Variants in BABAM2 observed in about 807,000 individuals in gnomAD.
BABAM2 encodes BRISC and BRCA1-A complex member 2.
Under a neutral mutation model 54.7 loss-of-function variants are expected in BABAM2, and 31 were observed. That is an observed-to-expected ratio of 0.57 (90% CI 0.43 to 0.77). BABAM2 has a LOEUF of 0.77. Among genes scored for constraint, BABAM2 ranks in the 30% least tolerant of loss-of-function variants. BABAM2 has a pLI of 0.00. For synonymous variants in BABAM2, 167 were observed against 162.9 expected, an observed-to-expected ratio of 1.03 and a Z score of -0.19; for missense variants, 364 against 455.8, an observed-to-expected ratio of 0.80 and a Z score of 1.83.
At chr2:28,179,381 C>T (rs1478896000) in intron 7 of BABAM2, among the ~76,000 whole-genome samples, 2 of 152,104 alleles carry the variant, frequency 1.3e-5, no homozygotes, top group Non-Finnish European at 2.9e-5. Flanking sequence ...AGGACAGTAG[C>T]CATATCATTC....
At chr2:28,157,087 GA>G (rs1333919833) in intron 7 of BABAM2, among the ~76,000 whole-genome samples, 1 of 152,072 alleles carries the variant, frequency 6.6e-6, no homozygotes, top group African/African-American at 2.4e-5. Context: ...TTTTCCTTAT[GA>G]AAATAATTTC....
chr2:28,227,630 C>T (rs912490767), intron 7 of BABAM2, among the ~76,000 whole-genome samples: 1 of 152,166 alleles, frequency 6.6e-6, no homozygotes, highest in Admixed American at 6.5e-5. Flanking sequence ...GTTTTCCTTA[C>T]CTTCCTGTTG....
chr2:28,032,435 C>A (rs937812), intron 5 of BABAM2, among the ~76,000 whole-genome samples: 1 of 151,880 alleles, frequency 6.6e-6, no homozygotes, highest in Non-Finnish European at 1.5e-5. Flanking sequence ...TGCAGACACT[C>A]TTCTCCCTGC....
At chr2:28,118,609 C>T (rs4619558) in intron 6 of BABAM2, among the ~76,000 whole-genome samples, 19,019 of 151,742 alleles carry the variant, frequency 0.13, 1,957 homozygotes, top group African/African-American at 0.28. Flanking sequence ...TCCTTGTAAA[C>T]TCTGGATATT....
In BABAM2 at chr2:28,233,167, G is replaced by A. The variant is rs184834450; in HGVS notation, c.681-4035G>A. 1.4e-4 allele frequency: 67 copies of A among 471,016 alleles called. No individual in the cohort carries two copies. The East Asian group carries it at 2.0e-3, about 14-fold the overall frequency. The allele number at this position is 471,016 out of a possible 1,614,324, so 29.2% of individuals were successfully genotyped here. On this transcript the variant is annotated intron_variant, in intron 7 of 11. Coordinates refer to ENST00000379624, the MANE Select transcript of BABAM2 (RefSeq NM_199191.3). ...GGTTAAGCCTGAGCCCTTGCCACACGGATTTCCTTCTCACCCGCTTCCTCC... is the reference window on the plus strand; with the variant it reads ...GGTTAAGCCTGAGCCCTTGCCACACAGATTTCCTTCTCACCCGCTTCCTCC...
chr2:28,337,137 G>A (rs555168492), intron 11 of BABAM2, among the ~76,000 whole-genome samples: 34 of 152,240 alleles, frequency 2.2e-4, no homozygotes, highest in African/African-American at 6.7e-4. Context: ...ATCTGGACAC[G>A]TAAGGTGTCA....
intron 7 of BABAM2, among the ~76,000 whole-genome samples, chr2:28,232,713 G>C (rs189046357): frequency 2.6e-5 from 4 of 152,224 alleles, no homozygotes; most frequent in African/African-American, 9.6e-5. Flanking sequence ...GTAAACATAC[G>C]GTATTGTAAT....
chr2:27,979,458 T>C (rs1671850935), intron 3 of BABAM2, among the ~76,000 whole-genome samples: 1 of 152,098 alleles, frequency 6.6e-6, no homozygotes, highest in African/African-American at 2.4e-5. Flanking sequence ...GAATGATTTA[T>C]ATTCTTTTGG....
chr2:27,966,513 C>G (rs1416934595), intron 3 of BABAM2, among the ~76,000 whole-genome samples: 2 of 152,204 alleles, frequency 1.3e-5, no homozygotes, highest in Non-Finnish European at 2.9e-5. Flanking sequence ...GATGGCTCTT[C>G]AGGTCTTGTT....
chr2:28,220,871 G>A (rs1453069772), intron 7 of BABAM2, among the ~76,000 whole-genome samples: 1 of 152,212 alleles, frequency 6.6e-6, no homozygotes, highest in East Asian at 1.9e-4. Context: ...GCAGTGAGCT[G>A]TGATGGTGCC....
intron 10 of BABAM2, among the ~76,000 whole-genome samples, chr2:28,249,275 G>C (rs1212002873): frequency 6.6e-6 from 1 of 151,816 alleles, no homozygotes; most frequent in African/African-American, 2.4e-5. Flanking sequence ...TTTTAGTAGA[G>C]ACCGGGTTTC....
intron 3 of BABAM2, among the ~76,000 whole-genome samples, chr2:27,979,210 G>T (rs1671824599): frequency 6.6e-6 from 1 of 151,462 alleles, no homozygotes; most frequent in East Asian, 1.9e-4. Context: ...GTATTTTTTT[G>T]TTTAGTAGAG....
At chr2:28,197,422 A>C (rs1677718697) in intron 7 of BABAM2, among the ~76,000 whole-genome samples, 1 of 152,220 alleles carries the variant, frequency 6.6e-6, no homozygotes, top group African/African-American at 2.4e-5. Context: ...TGTGCTTTGC[A>C]AGTGCTCAAC....
intron 2 of BABAM2, among the ~76,000 whole-genome samples, chr2:27,899,288 A>T (rs1665588774): frequency 6.6e-6 from 1 of 152,124 alleles, no homozygotes; most frequent in African/African-American, 2.4e-5. Context: ...AGTGATATCA[A>T]CCTGAAATTC....
At chr2:28,076,365 A>T (rs1306016122) in intron 6 of BABAM2, among the ~76,000 whole-genome samples, 4 of 152,098 alleles carry the variant, frequency 2.6e-5, no homozygotes, top group South Asian at 4.1e-4. Context: ...TAGATAAAAA[A>T]TTTTTATGGC....
At chr2:28,245,690 C>A (rs1285857013) in intron 10 of BABAM2, among the ~76,000 whole-genome samples, 1 of 152,164 alleles carries the variant, frequency 6.6e-6, no homozygotes, top group Non-Finnish European at 1.5e-5. Context: ...CCAACTTTCC[C>A]AGCTTGAGTT....
At chr2:28,112,186 C>CTT (rs1558347217) in intron 6 of BABAM2, among the ~76,000 whole-genome samples, 1 of 76,252 alleles carries the variant, frequency 1.3e-5, no homozygotes, top group Non-Finnish European at 2.4e-5. Context: ...TCCCTCCCTC[C>CTT]CTCCCTCCCT....
At chr2:28,211,031 T>A (rs1301866459) in intron 7 of BABAM2, among the ~76,000 whole-genome samples, 1 of 152,228 alleles carries the variant, frequency 6.6e-6, no homozygotes, top group African/African-American at 2.4e-5. Flanking sequence ...GTAATCTATA[T>A]GATTTGGTTC....
At chr2:28,145,884 A>T (rs915011267) in intron 7 of BABAM2, among the ~76,000 whole-genome samples, 1 of 152,150 alleles carries the variant, frequency 6.6e-6, no homozygotes, top group Admixed American at 6.6e-5. Flanking sequence ...TTCAAGGTTC[A>T]TCCATGTTTT....
Sources: allele counts gnomAD v4.1 joint callset (sites outside exome capture counted in the v4.1 genomes callset), GRCh38; gene constraint gnomAD v4.1.1; transcripts MANE v1.5; gene names NCBI Gene and HGNC (gene_info 2026-07-23, HGNC 2026-07-21).